The following CLEC12A variants were observed in gnomAD, a reference collection of about 807,000 sequenced individuals.
The protein encoded by CLEC12A is C-type lectin domain family 12 member A, also known as C-type lectin protein CLL-1.
Under a neutral mutation model 26.5 loss-of-function variants are expected in CLEC12A, and 22 were observed. That is an observed-to-expected ratio of 0.83 (90% CI 0.59 to 1.19). CLEC12A has a LOEUF of 1.19. CLEC12A is among the 50% of genes most tolerant of loss of function. The pLI is 0.00. For missense variants in CLEC12A, 353 were observed against 315.6 expected (o/e 1.12, Z -0.90); for synonymous variants, 119 against 101.9 (o/e 1.17, Z -1.01).
intron 1 of CLEC12A, among the ~76,000 whole-genome samples, chr12:9,965,421 G>C (rs1403592160): frequency 6.6e-6 from 1 of 151,586 alleles, no homozygotes; most frequent in Admixed American, 6.6e-5. Context: ...TGAAGTAATG[G>C]GGGCTGTCTG....
intron 1 of CLEC12A, among the ~76,000 whole-genome samples, chr12:9,965,871 G>T (rs1863931870): frequency 1.3e-5 from 2 of 152,214 alleles, no homozygotes; most frequent in East Asian, 1.9e-4. Flanking sequence ...AAGGGGTGCA[G>T]GATCAGTCGC....
intron 1 of CLEC12A, chr12:9,951,481 C>T: frequency 1.5e-6 from 1 of 688,592 alleles, no homozygotes; most frequent in Admixed American, 2.0e-5. Context: ...CCTGACTGTT[C>T]CAGTTCAGAC....
intron 1 of CLEC12A, among the ~76,000 whole-genome samples, chr12:9,955,624 G>C (rs966454072): frequency 5.9e-5 from 9 of 152,034 alleles, no homozygotes; most frequent in African/African-American, 2.2e-4. Context: ...ATTATGAAAG[G>C]GTTTCAATAC....
chr12:9,997,149 A>G (rs769273710), downstream of CLEC12A: 12 of 1,613,696 alleles, frequency 7.4e-6, no homozygotes, highest in Non-Finnish European at 1.7e-6. Flanking sequence ...GGTTAAAAAA[A>G]CAATACTTAC....
intron 4 of CLEC12A, chr12:9,992,940 G>C: frequency 6.2e-6 from 3 of 483,594 alleles, no homozygotes; most frequent in Non-Finnish European, 1.1e-5. Flanking sequence ...TAGAACAATT[G>C]GGAAGCAAAT....
intron 1 of CLEC12A, among the ~76,000 whole-genome samples, chr12:9,965,317 A>G (rs1371658029): frequency 6.6e-6 from 1 of 152,146 alleles, no homozygotes; most frequent in African/African-American, 2.4e-5. Context: ...GGGTTTGGGA[A>G]ATTAGCCGGA....
At chr12:9,999,066 A>G, downstream of CLEC12A, 1 of 1,608,658 alleles carries the variant, frequency 6.2e-7, no homozygotes, top group Non-Finnish European at 8.5e-7. Flanking sequence ...CCGAGTTTTA[A>G]TATTTAAGGT....
At chr12:9,971,858 GT>G (rs1412858726) in intron 1 of CLEC12A, among the ~76,000 whole-genome samples, 171 bp downstream of exon 1, 1 of 152,016 alleles carries the variant, frequency 6.6e-6, no homozygotes, top group Non-Finnish European at 1.5e-5. Flanking sequence ...AGAAAAAAGG[GT>G]TTTGTAAAAA....
At chr12:9,970,730 TC>T (rs1290896073), upstream of CLEC12A, among the ~76,000 whole-genome samples, 7 of 152,184 alleles carry the variant, frequency 4.6e-5, no homozygotes, top group Non-Finnish European at 7.4e-5. Context: ...ATTATAGTTT[TC>T]CTGGCCTGCA....
At chr12:9,997,129 G>A (rs1865071551), downstream of CLEC12A, 1 of 1,613,118 alleles carries the variant, frequency 6.2e-7, no homozygotes, top group Non-Finnish European at 8.5e-7. Flanking sequence ...AGGGGTTGGA[G>A]AGATGAAGAG....
chr12:9,999,389 C>A (rs769912783), downstream of CLEC12A: 1 of 259,308 alleles, frequency 3.9e-6, no homozygotes, highest in Non-Finnish European at 7.2e-6. Flanking sequence ...ATCTTCAACA[C>A]TAAATAAAGG....
chr12:9,965,435 AG>A (rs1863914279), intron 1 of CLEC12A, among the ~76,000 whole-genome samples: 1 of 151,182 alleles, frequency 6.6e-6, no homozygotes, highest in South Asian at 2.1e-4. Context: ...CTGTCTGTGA[AG>A]CCTTGCGGCA....
chr12:9,974,000 G>A (rs1864235964), intron 1 of CLEC12A, among the ~76,000 whole-genome samples: 1 of 152,040 alleles, frequency 6.6e-6, no homozygotes, highest in Admixed American at 6.6e-5. Context: ...ACTTTTGAAA[G>A]CATTTTCTTT....
intron 1 of CLEC12A, among the ~76,000 whole-genome samples, chr12:9,973,902 T>G (rs1468016577): frequency 6.6e-6 from 1 of 152,168 alleles, no homozygotes. Flanking sequence ...TATACTCTGC[T>G]ACTCCTTTTA....
chr12:9,998,707 T>C (rs1395878265), downstream of CLEC12A, among the ~76,000 whole-genome samples: 2 of 152,166 alleles, frequency 1.3e-5, no homozygotes, highest in Non-Finnish European at 2.9e-5. Context: ...AATAATTGCT[T>C]TAATAAACAG....
At chr12:9,970,174 T>C (rs909556321), upstream of CLEC12A, among the ~76,000 whole-genome samples, 13 of 152,144 alleles carry the variant, frequency 8.5e-5, no homozygotes, top group Non-Finnish European at 1.6e-4. Flanking sequence ...TTTAGTTTCT[T>C]TTTATACAGT....
downstream of CLEC12A, among the ~76,000 whole-genome samples, chr12:9,998,779 T>C (rs190703420): frequency 5.1e-4 from 78 of 152,312 alleles, no homozygotes; most frequent in Admixed American, 1.3e-3. Context: ...TCTTTTCCGT[T>C]ATCCCCTTGA....
chr12:9,962,862 A>G (rs1402623589), intron 1 of CLEC12A, among the ~76,000 whole-genome samples: 1 of 152,144 alleles, frequency 6.6e-6, no homozygotes, highest in Non-Finnish European at 1.5e-5. Context: ...TCCTTATATT[A>G]ATAAGAAAAT....
intron 1 of CLEC12A, among the ~76,000 whole-genome samples, chr12:9,957,005 TC>T: frequency 6.6e-6 from 1 of 152,304 alleles, no homozygotes; most frequent in Non-Finnish European, 1.5e-5. Flanking sequence ...AAATTTTCAA[TC>T]CCTTGGTTTT....
Sources: gnomAD v4.1 joint callset for allele counts (sites outside exome capture counted in the v4.1 genomes callset) on GRCh38, gnomAD v4.1.1 for gene constraint, MANE v1.5 for transcripts, NCBI Gene and HGNC (gene_info 2026-07-23, HGNC 2026-07-21) for gene names.